Variants in NAALADL2 observed in about 807,000 individuals in gnomAD.
The protein encoded by NAALADL2 is inactive N-acetylated-alpha-linked acidic dipeptidase-like protein 2.
In NAALADL2, 76 loss-of-function variants were observed where a neutral mutation model predicts 87.2. That is an observed-to-expected ratio of 0.87 (90% CI 0.72 to 1.05). NAALADL2 has a LOEUF of 1.05. Ranked by LOEUF, NAALADL2 falls within the 50% of genes least tolerant of loss-of-function variation. The probability of loss-of-function intolerance (pLI) is 0.00; values close to 1 mark genes in which losing one functional copy is unlikely to be tolerated. For missense variants in NAALADL2, 1,089 were observed against 945.8 expected, an observed-to-expected ratio of 1.15 and a Z score of -1.99; for synonymous variants, 354 against 331.0, an observed-to-expected ratio of 1.07 and a Z score of -0.75.
intron 2 of NAALADL2, among the ~76,000 whole-genome samples, chr3:174,570,365 T>A (rs946672914): frequency 2.0e-5 from 3 of 152,166 alleles, no homozygotes; most frequent in African/African-American, 7.2e-5. Flanking sequence ...ACCTGAAATA[T>A]GGATTAAATT....
At chr3:175,519,883 C>T (rs2149415056) in intron 9 of NAALADL2, among the ~76,000 whole-genome samples, 1 of 152,300 alleles carries the variant, frequency 6.6e-6, no homozygotes, top group South Asian at 2.1e-4. Flanking sequence ...TTGACCATTT[C>T]ACTAGGATAC....
At chr3:175,708,567 G>A (rs183146693) in intron 11 of NAALADL2, among the ~76,000 whole-genome samples, 6 of 151,604 alleles carry the variant, frequency 4.0e-5, no homozygotes, top group Admixed American at 3.3e-4. Flanking sequence ...AAGTAGAGAC[G>A]GAGATTATTT....
intron 3 of NAALADL2, among the ~76,000 whole-genome samples, chr3:174,787,604 T>TATATACACAC (rs1560225762): frequency 2.3e-4 from 20 of 87,936 alleles, no homozygotes; most frequent in African/African-American, 4.0e-4. Flanking sequence ...TATATATATA[T>TATATACACAC]ATATATATAT....
intron 1 of NAALADL2, among the ~76,000 whole-genome samples, chr3:174,868,690 G>C (rs980257533): frequency 2.6e-5 from 4 of 152,112 alleles, no homozygotes; most frequent in South Asian, 4.1e-4. Context: ...AGCAGGAATA[G>C]TATCCTTAAC....
chr3:174,651,811 TA>T (rs928412758), intron 2 of NAALADL2, among the ~76,000 whole-genome samples: 4 of 152,204 alleles, frequency 2.6e-5, no homozygotes, highest in Admixed American at 6.5e-5. Context: ...TCTTTATTTT[TA>T]AATGGAAGTT....
At chr3:174,508,539 G>C (rs557276784) in intron 1 of NAALADL2, among the ~76,000 whole-genome samples, 1 of 152,106 alleles carries the variant, frequency 6.6e-6, no homozygotes, top group African/African-American at 2.4e-5. Context: ...TTTCGATTTT[G>C]TTGGTCAATA....
Position 175,528,316 on chromosome 3 carries a change from C to T in NAALADL2, c.1654-47725C>T, listed in dbSNP as rs182851885. On this transcript the variant is annotated intron_variant, in intron 9 of 13. Coordinates refer to ENST00000454872, the MANE Select transcript of NAALADL2 (RefSeq NM_207015.3). Reference sequence around the variant, plus strand: ...GAACTTGGAGTCCAACGTTCAAGGGCAGGAAGCATCCAGCCTGGGAAATAG... The same window carrying T: ...GAACTTGGAGTCCAACGTTCAAGGGTAGGAAGCATCCAGCCTGGGAAATAG... 4.3e-3 allele frequency among the ~76,000 whole-genome samples: 653 copies of T among 152,152 alleles called. 2 individuals are homozygous for T. The highest frequency in any genetic ancestry group is 0.014 in the African/African-American group (592 of 41,520).
At chr3:174,561,312 A>G (rs1442732974) in intron 2 of NAALADL2, among the ~76,000 whole-genome samples, 1 of 148,104 alleles carries the variant, frequency 6.8e-6, no homozygotes, top group African/African-American at 2.5e-5. Context: ...CTATTCTCCT[A>G]TCTCAGCCCT....
At chr3:174,701,689 A>G (rs758438694) in intron 2 of NAALADL2, among the ~76,000 whole-genome samples, 23 of 152,102 alleles carry the variant, frequency 1.5e-4, no homozygotes, top group Admixed American at 1.4e-3. Context: ...TAAGAATTTT[A>G]TATGAATGGA....
chr3:174,895,995 C>T (rs552553341), intron 1 of NAALADL2, among the ~76,000 whole-genome samples: 2 of 152,072 alleles, frequency 1.3e-5, no homozygotes, highest in East Asian at 3.9e-4. Context: ...AACATCGTTA[C>T]ATGATAAAAA....
At chr3:174,854,713 CA>C (rs1222662325), upstream of NAALADL2, among the ~76,000 whole-genome samples, 3 of 149,856 alleles carry the variant, frequency 2.0e-5, no homozygotes, top group South Asian at 4.2e-4. Context: ...ATAAAAATGA[CA>C]AAAAACTTTA....
chr3:175,610,017 A>G (rs1223011295), intron 10 of NAALADL2, among the ~76,000 whole-genome samples: 1 of 152,190 alleles, frequency 6.6e-6, no homozygotes, highest in Admixed American at 6.5e-5. Flanking sequence ...CTAATTTATA[A>G]TATCTTTTCC....
At chr3:174,927,709 G>A (rs560340471) in intron 1 of NAALADL2, among the ~76,000 whole-genome samples, 1 of 152,324 alleles carries the variant, frequency 6.6e-6, no homozygotes, top group African/African-American at 2.4e-5. Context: ...ATTTAAAGCA[G>A]TGTGTAGAGG....
At chr3:174,885,878 T>TTTG (rs1730054404) in intron 1 of NAALADL2, among the ~76,000 whole-genome samples, 1 of 3,856 alleles carries the variant, frequency 2.6e-4, no homozygotes, top group Non-Finnish European at 7.1e-4. Context: ...TCCGAGTTGT[T>TTTG]TTTTTTTTTT....
intron 1 of NAALADL2, among the ~76,000 whole-genome samples, chr3:175,088,457 G>A (rs998429635): frequency 2.6e-5 from 4 of 152,084 alleles, no homozygotes; most frequent in African/African-American, 9.7e-5. Context: ...AAGCTATTTC[G>A]GAAAATAAAA....
At chr3:175,673,236 A>G (rs1734255085) in intron 11 of NAALADL2, among the ~76,000 whole-genome samples, 1 of 152,192 alleles carries the variant, frequency 6.6e-6, no homozygotes, top group Admixed American at 6.5e-5. Flanking sequence ...AAGTCTAAAC[A>G]GTTTTACAGC....
At chr3:175,685,777 T>C (rs1736200083) in intron 11 of NAALADL2, among the ~76,000 whole-genome samples, 1 of 152,160 alleles carries the variant, frequency 6.6e-6, no homozygotes. Context: ...CCCAGGACAA[T>C]GACATTGGTT....
chr3:174,752,741 A>G (rs1386125096), intron 3 of NAALADL2, among the ~76,000 whole-genome samples: 2 of 152,148 alleles, frequency 1.3e-5, no homozygotes, highest in East Asian at 1.9e-4. Flanking sequence ...TATGGATAAA[A>G]TACTTGAGAA....
chr3:175,511,060 A>C (rs1378702184), intron 9 of NAALADL2, among the ~76,000 whole-genome samples: 4 of 152,188 alleles, frequency 2.6e-5, no homozygotes, highest in Non-Finnish European at 4.4e-5. Flanking sequence ...CTAAATTCAT[A>C]AAAGTATGTA....
Sources: gnomAD v4.1 joint callset for allele counts (sites outside exome capture counted in the v4.1 genomes callset) on GRCh38, gnomAD v4.1.1 for gene constraint, MANE v1.5 for transcripts, NCBI Gene and HGNC (gene_info 2026-07-23, HGNC 2026-07-21) for gene names.